GMDS: variants seen among roughly 807,000 people sequenced by gnomAD.
GMDS encodes the protein GDP-mannose 4,6 dehydratase.
Under a neutral mutation model 49.9 loss-of-function variants are expected in GMDS, and 20 were observed. The ratio of observed to expected loss-of-function variants is 0.40; its 90% CI spans 0.28 to 0.58. GMDS has a LOEUF of 0.58. Ranked by LOEUF, GMDS falls within the 20% of genes least tolerant of loss-of-function variation. GMDS has a pLI of 0.42. For missense variants in GMDS, 362 were observed against 481.4 expected (o/e 0.75, Z 2.32); for synonymous variants, 177 against 178.6 (o/e 0.99, Z 0.07).
At chr6:1,692,123 C>T (rs1235945249) in intron 9 of GMDS, among the ~76,000 whole-genome samples, 1 of 152,204 alleles carries the variant, frequency 6.6e-6, no homozygotes, top group Non-Finnish European at 1.5e-5. Context: ...TGCTTCCTGC[C>T]CTGGAACATC....
chr6:2,092,710 C>T (rs1038101495), intron 4 of GMDS, among the ~76,000 whole-genome samples: 4 of 152,122 alleles, frequency 2.6e-5, no homozygotes, highest in South Asian at 2.1e-4. Context: ...TCTCTAACAC[C>T]GACATGCCTA....
intron 7 of GMDS, among the ~76,000 whole-genome samples, chr6:1,827,931 T>C (rs9328072): frequency 0.31 from 47,517 of 151,806 alleles, 7,494 homozygotes; most frequent in East Asian, 0.46. Context: ...GTACAGAGCA[T>C]TCAAAGGAAC....
At chr6:2,057,578 T>C (rs749700263) in intron 4 of GMDS, among the ~76,000 whole-genome samples, 20 of 152,222 alleles carry the variant, frequency 1.3e-4, no homozygotes, top group Non-Finnish European at 2.1e-4. Context: ...CTCAAAATCA[T>C]ACTCTTCCTT....
chr6:1,923,105 C>T (rs150161780), intron 7 of GMDS, among the ~76,000 whole-genome samples: 13 of 152,200 alleles, frequency 8.5e-5, no homozygotes, highest in African/African-American at 3.1e-4. Context: ...TGTGAGGCCT[C>T]CCCAGCCACG....
At chr6:2,102,675 T>C (rs1218681398) in intron 4 of GMDS, among the ~76,000 whole-genome samples, 1 of 152,260 alleles carries the variant, frequency 6.6e-6, no homozygotes, top group Non-Finnish European at 1.5e-5. Context: ...ACATATTATA[T>C]TCTGATTAAA....
At chr6:1,870,060 T>C (rs1758650961) in intron 7 of GMDS, among the ~76,000 whole-genome samples, 6 of 152,246 alleles carry the variant, frequency 3.9e-5, no homozygotes, top group Admixed American at 3.9e-4. Context: ...CCTGCCTTCC[T>C]GGGCAGATAG....
Position 2,245,452 on chromosome 6 carries a change from G to C in GMDS, c.-30C>G. On this transcript the variant is annotated 5_prime_UTR_variant, in exon 1 of 11. Transcript: ENST00000380815. ...CGCGGCGGGCGTGCGGTCGGCGGCA[G>C]GGCGGAGCGCGGCAGAGGGCAGGCG... 2 of 1,355,420 alleles carry C rather than the reference G, an allele frequency of 1.5e-6. No homozygotes were observed. Among genetic ancestry groups the C allele is most frequent in the East Asian group, 3.0e-5 (1 of 33,004 alleles). The allele number at this position is 1,355,420 out of a possible 1,614,324, so 84.0% of individuals were successfully genotyped here.
chr6:1,721,093 A>G (rs892523609), intron 9 of GMDS, among the ~76,000 whole-genome samples: 4 of 152,124 alleles, frequency 2.6e-5, no homozygotes, highest in Admixed American at 2.6e-4. Flanking sequence ...AAAGTGTTAC[A>G]TATCATTATT....
intron 4 of GMDS, among the ~76,000 whole-genome samples, chr6:2,028,999 C>T (rs6909330): frequency 0.96 from 143,228 of 148,768 alleles, 68,959 homozygotes; most frequent in East Asian, 0.99. Flanking sequence ...TTCTTTCTTT[C>T]TTTTTTTTTT....
intron 4 of GMDS, among the ~76,000 whole-genome samples, chr6:1,975,540 A>T (rs1764850940): frequency 6.6e-6 from 1 of 152,246 alleles, no homozygotes; most frequent in Non-Finnish European, 1.5e-5. Flanking sequence ...GATCCTGTCA[A>T]TGGCCAGTTT....
Position 1,763,160 on chromosome 6 carries a change from G to C in GMDS, c.772-20574C>G, listed in dbSNP as rs78393682. On this transcript the variant is annotated intron_variant, in intron 7 of 10. Coordinates refer to ENST00000380815, the MANE Select transcript of GMDS (RefSeq NM_001500.4). Reference sequence around the variant, plus strand: ...TGAGGCTGACTGGTGCTGTGGACACGTGCGAAGATGCTGGCAGATGTGGGC... The same window carrying C: ...TGAGGCTGACTGGTGCTGTGGACACCTGCGAAGATGCTGGCAGATGTGGGC... Among the ~76,000 whole-genome samples the C allele has an allele frequency of 1.6e-3, 250 of 152,334 alleles. 5 individuals are homozygous for C. In the East Asian group the frequency reaches 0.044, roughly 27 times the overall value.
chr6:1,625,529 G>A (rs907915791), intron 9 of GMDS: 8 of 152,226 alleles, frequency 5.3e-5, no homozygotes, highest in African/African-American at 1.7e-4. Flanking sequence ...ATCGACTTAA[G>A]AGGCTTCCCT....
chr6:2,203,595 A>AT (rs1409984165), intron 1 of GMDS, among the ~76,000 whole-genome samples: 1 of 152,080 alleles, frequency 6.6e-6, no homozygotes, highest in Non-Finnish European at 1.5e-5. Flanking sequence ...ATGTGTCCAG[A>AT]TTTTTTAAAT....
chr6:2,243,269 T>C (rs2127603678), intron 1 of GMDS, among the ~76,000 whole-genome samples: 1 of 152,280 alleles, frequency 6.6e-6, no homozygotes, highest in African/African-American at 2.4e-5. Flanking sequence ...CAGGACAAAC[T>C]AGAGTGGGGG....
chr6:2,208,637 C>T (rs1025434274), intron 1 of GMDS, among the ~76,000 whole-genome samples: 1 of 152,104 alleles, frequency 6.6e-6, no homozygotes, highest in African/African-American at 2.4e-5. Flanking sequence ...AACACTTTCC[C>T]ATAGATTTAT....
intron 9 of GMDS, among the ~76,000 whole-genome samples, chr6:1,690,715 C>T (rs952403356): frequency 5.9e-5 from 9 of 152,208 alleles, no homozygotes; most frequent in African/African-American, 2.2e-4. Context: ...CAAACACACA[C>T]TTCTCAAAAG....
intron 7 of GMDS, among the ~76,000 whole-genome samples, chr6:1,916,131 C>T (rs1262157488): frequency 4.6e-5 from 7 of 152,178 alleles, no homozygotes; most frequent in East Asian, 1.9e-4. Context: ...ATGGTTTTTA[C>T]GTAGTTTAGC....
At chr6:2,018,255 T>A (rs73410429) in intron 4 of GMDS, among the ~76,000 whole-genome samples, 3,621 of 152,308 alleles carry the variant, frequency 0.024, 89 homozygotes, top group South Asian at 0.095. Flanking sequence ...ATGACTCAAA[T>A]CGTATCTAAA....
At chr6:1,871,230 CTGTT>C (rs1758729956) in intron 7 of GMDS, among the ~76,000 whole-genome samples, 2 of 152,154 alleles carry the variant, frequency 1.3e-5, no homozygotes, top group Admixed American at 1.3e-4. Flanking sequence ...CTCGGCCTCA[CTGTT>C]TGAGACGTTC....
Sources: allele counts gnomAD v4.1 joint callset (sites outside exome capture counted in the v4.1 genomes callset), GRCh38; gene constraint gnomAD v4.1.1; transcripts MANE v1.5; gene names NCBI Gene and HGNC (gene_info 2026-07-23, HGNC 2026-07-21).